WIF1: variants seen among roughly 807,000 people sequenced by gnomAD.
WIF1 encodes Wnt inhibitory factor 1.
WIF1 carries 35 observed loss-of-function variants against 53.5 expected under a neutral mutation model. The observed-to-expected ratio is 0.65, with a 90% CI of 0.50 to 0.87. The LOEUF is 0.87. Ranked by LOEUF, WIF1 falls within the 40% of genes least tolerant of loss-of-function variation. WIF1 has a pLI of 0.00. For missense variants in WIF1, 467 were observed against 476.8 expected (o/e 0.98, Z 0.19); for synonymous variants, 171 against 170.4 (o/e 1.00, Z -0.03).
In WIF1 at chr12:65,074,444, T is replaced by C. The variant is rs995521253; in HGVS notation, c.397+3302A>G. Among the ~76,000 whole-genome samples, 3 of 152,046 alleles carry C rather than the reference T, an allele frequency of 2.0e-5. No homozygotes were observed. In the East Asian group the frequency reaches 5.8e-4, roughly 29 times the overall value. ...ATATAAAATAGAAATTGAGAGGTGT[T>C]ATGTACTTATTTTATTCTGACTGCT... On this transcript the variant is annotated intron_variant, in intron 3 of 9. Coordinates refer to ENST00000286574, the MANE Select transcript of WIF1 (RefSeq NM_007191.5).
chr12:65,071,939 C>A (rs1219842221), intron 3 of WIF1, among the ~76,000 whole-genome samples: 1 of 152,076 alleles, frequency 6.6e-6, no homozygotes, highest in Non-Finnish European at 1.5e-5. Flanking sequence ...ATAAACCATA[C>A]CATTACACTT....
At position 65,108,266 on chromosome 12, in the gene WIF1, C is replaced by A. The variant is rs187800654; in HGVS notation, c.288+12151G>T. On this transcript the variant is annotated intron_variant, in intron 2 of 9. Transcript: ENST00000286574. Reference sequence around the variant, plus strand: ...ACCTAAGCTTTGGTGTTAGACAGGACCTGAATAAATATTTATTGAGTGGAG... The same window carrying A: ...ACCTAAGCTTTGGTGTTAGACAGGAACTGAATAAATATTTATTGAGTGGAG... Among the ~76,000 whole-genome samples the A allele has an allele frequency of 2.0e-5, 3 of 152,124 alleles. No individual in the cohort carries two copies. In the East Asian group the frequency reaches 5.8e-4, roughly 29 times the overall value.
chr12:65,074,817 CAAAAA>C (rs758690202), intron 3 of WIF1, among the ~76,000 whole-genome samples: 2 of 55,452 alleles, frequency 3.6e-5, no homozygotes, highest in South Asian at 9.1e-4. Context: ...CACTCTGTCT[CAAAAA>C]AAAAAAAAAA....
intron 2 of WIF1, among the ~76,000 whole-genome samples, chr12:65,091,163 C>T (rs934308327): frequency 6.6e-6 from 1 of 151,828 alleles, no homozygotes; most frequent in Non-Finnish European, 1.5e-5. Context: ...AGTTAAACTA[C>T]ACCACAAAGA....
At chr12:65,095,837 T>C (rs1412819878) in intron 2 of WIF1, 2 of 152,138 alleles carry the variant, frequency 1.3e-5, no homozygotes, top group African/African-American at 4.8e-5. Context: ...TGCAAATTCA[T>C]GAAGCATTCC....
At chr12:65,053,469 AGATCT>A (rs1882473991) in intron 9 of WIF1, among the ~76,000 whole-genome samples, 1 of 152,170 alleles carries the variant, frequency 6.6e-6, no homozygotes, top group Non-Finnish European at 1.5e-5. Flanking sequence ...AGTTCTCACG[AGATCT>A]GACAGTTTTA....
intron 3 of WIF1, among the ~76,000 whole-genome samples, chr12:65,070,189 C>A (rs1460421791): frequency 6.6e-6 from 1 of 152,186 alleles, no homozygotes; most frequent in Non-Finnish European, 1.5e-5. Flanking sequence ...ACTCCTCTTA[C>A]AGCTCTGGCA....
chr12:65,056,406 A>G (rs1391747599), intron 7 of WIF1, among the ~76,000 whole-genome samples: 1 of 58,210 alleles, frequency 1.7e-5, no homozygotes, highest in African/African-American at 9.1e-5. Flanking sequence ...TTTTTTTTTA[A>G]GTAAAGACGG....
In WIF1 at chr12:65,121,231, G is replaced by A; in HGVS notation, c.-40C>T. 7.1e-7 allele frequency: 1 copy of A among 1,407,012 alleles called. No homozygotes were observed. 87.2% of individuals were successfully genotyped at this position (1,407,012 alleles called of 1,614,324 possible). On this transcript the variant is annotated 5_prime_UTR_variant, in exon 1 of 10. Coordinates refer to ENST00000286574, the MANE Select transcript of WIF1 (RefSeq NM_007191.5). ...CCTCGCTGCCGGGAAAACTCCTCGT[G>A]CCGCACCTACGCAACCTGGCGCCGT...
chr12:65,058,014 A>G (rs1882555102), intron 7 of WIF1, among the ~76,000 whole-genome samples: 1 of 152,178 alleles, frequency 6.6e-6, no homozygotes, highest in African/African-American at 2.4e-5. Flanking sequence ...GTTTTTCTGC[A>G]TAGAGGTGTT....
chr12:65,086,109 T>C (rs979027017), intron 2 of WIF1, among the ~76,000 whole-genome samples: 8 of 151,742 alleles, frequency 5.3e-5, no homozygotes, highest in Non-Finnish European at 1.0e-4. Context: ...AAGCAAAGCA[T>C]TGGGAAATGG....
chr12:65,067,583 T>C lies in WIF1; in HGVS notation c.634+112A>G, dbSNP rs752933642. 23 of 1,161,368 alleles carry C rather than the reference T, an allele frequency of 2.0e-5. No individual in the cohort carries two copies. The Admixed American group carries it at 5.0e-4, about 25-fold the overall frequency. The allele number at this position is 1,161,368 out of a possible 1,614,324, so 71.9% of individuals were successfully genotyped here. On this transcript the variant is annotated intron_variant, in intron 5 of 9. Coordinates refer to ENST00000286574, the MANE Select transcript of WIF1 (RefSeq NM_007191.5). Reference sequence around the variant, plus strand: ...GCATTGTGCCAAAATTTTCTGCCCCTGTGACCAGGAAAATAATTTCAGGTG... The same window carrying C: ...GCATTGTGCCAAAATTTTCTGCCCCCGTGACCAGGAAAATAATTTCAGGTG...
At chr12:65,085,170 C>T (rs138628926) in intron 2 of WIF1, among the ~76,000 whole-genome samples, 11 of 152,212 alleles carry the variant, frequency 7.2e-5, no homozygotes, top group South Asian at 4.1e-4. Flanking sequence ...GCTATCACTG[C>T]GAAACTGTGA....
intron 9 of WIF1, among the ~76,000 whole-genome samples, chr12:65,054,460 A>G (rs1330254740): frequency 6.6e-6 from 1 of 152,170 alleles, no homozygotes; most frequent in Non-Finnish European, 1.5e-5. Context: ...ATCAATACTG[A>G]ATGAATTTAG....
intron 2 of WIF1, among the ~76,000 whole-genome samples, chr12:65,116,762 G>T (rs963060884): frequency 6.6e-6 from 1 of 151,154 alleles, no homozygotes; most frequent in Non-Finnish European, 1.5e-5. Flanking sequence ...GTGAAACCCC[G>T]TCTCTACTAA....
rs7970119 is a variant in WIF1, at chr12:65,066,899, T to C, written c.635-163A>G. The stretch of plus-strand genomic sequence containing the variant: ...GTTTGCTATATTAATATTATTTTTG[T>C]GGTATAAATTAGGCTGTTTTTCAAT... On this transcript the variant is annotated intron_variant, in intron 5 of 9. Transcript: ENST00000286574. Among the ~76,000 whole-genome samples the C allele has an allele frequency of 0.054, 8,186 of 150,504 alleles. 668 individuals carry two copies. The highest frequency in any genetic ancestry group is 0.17 in the African/African-American group (6,708 of 39,870).
Position 65,055,184 on chromosome 12 carries a change from C to G in WIF1, c.952G>C (p.Gly318Arg), listed in dbSNP as rs906281917. Residue 318 changes from glycine (G) to arginine (R), a missense_variant, in exon 9 of 10, where the codon GGA (glycine) becomes CGA (arginine). Gly to Arg is a moderately radical substitution (Grantham distance 125). Transcript: ENST00000286574. ...PVCEPGCGAH[G>R]TCHEPNKCQC... ...CATTTGTTGGGTTCATGGCAGGTTC[C>G]ATGTGCACCACAGCCAGGCTCGCAG... 1 of 1,614,116 alleles carries G rather than the reference C, an allele frequency of 6.2e-7. No individual in the cohort carries two copies. The highest frequency in any genetic ancestry group is 8.5e-7 in the Non-Finnish European group (1 of 1,180,004).
At chr12:65,075,403 C>T (rs1882846312) in intron 3 of WIF1, among the ~76,000 whole-genome samples, 1 of 152,144 alleles carries the variant, frequency 6.6e-6, no homozygotes, top group African/African-American at 2.4e-5. Flanking sequence ...TTTCACGTTC[C>T]TCTAGAAGAA....
chr12:65,071,231 C>CAAAAAAAAAAA (rs67928556), intron 3 of WIF1, among the ~76,000 whole-genome samples: 3 of 71,178 alleles, frequency 4.2e-5, no homozygotes, highest in African/African-American at 1.7e-4. Context: ...AAGACTCCAT[C>CAAAAAAAAAAA]AAAAAAAAAA....
Sources: allele counts gnomAD v4.1 joint callset (sites outside exome capture counted in the v4.1 genomes callset), GRCh38; gene constraint gnomAD v4.1.1; transcripts MANE v1.5; gene names NCBI Gene and HGNC (gene_info 2026-07-23, HGNC 2026-07-21).